The following CELF2 variants were observed in gnomAD, a reference collection of about 807,000 sequenced individuals.
The protein encoded by CELF2 is CUG triplet repeat RNA-binding protein 2.
CELF2 carries 8 observed loss-of-function variants against 62.6 expected under a neutral mutation model. That is an observed-to-expected ratio of 0.13 (90% CI 0.07 to 0.23). CELF2 has a LOEUF of 0.23. CELF2 is among the 10% of genes least tolerant of loss of function. The pLI is 1.00. For synonymous variants in CELF2, 258 were observed against 250.0 expected (o/e 1.03, Z -0.30); for missense variants, 333 against 671.0 (o/e 0.50, Z 5.56).
intron 2 of CELF2, among the ~76,000 whole-genome samples, chr10:11,189,358 C>T (rs1342340992): frequency 6.6e-6 from 1 of 152,204 alleles, no homozygotes. Context: ...TTATTGTACA[C>T]AGCAGGTAGT....
chr10:11,042,600 G>T (rs2062032188), intron 1 of CELF2, among the ~76,000 whole-genome samples: 1 of 152,116 alleles, frequency 6.6e-6, no homozygotes, highest in Non-Finnish European at 1.5e-5. Context: ...TTTATCATAT[G>T]CACAAAGTTG....
intron 4 of CELF2, among the ~76,000 whole-genome samples, chr10:11,253,247 C>G (rs924102013): frequency 2.0e-5 from 3 of 152,202 alleles, no homozygotes; most frequent in African/African-American, 2.4e-5. Context: ...CCTCCAACCT[C>G]ACAATTTGCT....
rs1215034475 is a variant in CELF2, at chr10:11,260,896, C to T, written c.538+3024C>T. Reference sequence around the variant, plus strand: ...CTCTTTCATGCTACCATTTTGCTTTCATTAAAGAATTGCAGTTTTGAATCA... The same window carrying T: ...CTCTTTCATGCTACCATTTTGCTTTTATTAAAGAATTGCAGTTTTGAATCA... On this transcript the variant is annotated intron_variant, in intron 5 of 12. Coordinates refer to ENST00000633077, the MANE Select transcript of CELF2 (RefSeq NM_001326342.2). This position sits in a 1 kb window ranked among gnomAD's most constrained non-coding sequence, Gnocchi z 4.2. 2.0e-5 allele frequency among the ~76,000 whole-genome samples: 3 copies of T among 152,164 alleles called. No individual in the cohort carries two copies. Among genetic ancestry groups the T allele is most frequent in the Non-Finnish European group, 4.4e-5 (3 of 68,024 alleles).
At chr10:10,526,100 G>C in the CELF2 span, among the ~76,000 whole-genome samples, 1 of 152,184 alleles carries the variant, frequency 6.6e-6, no homozygotes, top group Non-Finnish European at 1.5e-5. Flanking sequence ...ACATATAGAT[G>C]TTGATGTATT....
At chr10:10,772,808 C>T in the CELF2 span, among the ~76,000 whole-genome samples, 379 of 152,128 alleles carry the variant, frequency 2.5e-3, 2 homozygotes, top group African/African-American at 8.6e-3. Context: ...AAGATCAAGG[C>T]AACATATGTG....
intron 1 of CELF2, among the ~76,000 whole-genome samples, chr10:11,089,023 G>A (rs1366664399): frequency 2.0e-5 from 3 of 152,204 alleles, no homozygotes; most frequent in Admixed American, 2.0e-4. Flanking sequence ...GTAGGGGGGA[G>A]CCTTCTAGTA....
At position 11,157,139 on chromosome 10, in the gene CELF2, G is replaced by C. The variant is rs151009212; in HGVS notation, c.75-8347G>C. 3.7e-3 allele frequency among the ~76,000 whole-genome samples: 561 copies of C among 152,232 alleles called. 2 individuals carry two copies. The highest frequency in any genetic ancestry group is 0.013 in the African/African-American group (542 of 41,530). ...CAAGAGCAGGTTGGGGGATGAGGCT[G>C]TGTCCCCTGTGCAAAGTCACCCATG... is the stretch of plus-strand genomic sequence containing the variant. On this transcript the variant is annotated intron_variant, in intron 1 of 12. Transcript: ENST00000633077. This position sits in a 1 kb window ranked among gnomAD's most constrained non-coding sequence, Gnocchi z 4.9.
intron 1 of CELF2, among the ~76,000 whole-genome samples, chr10:10,910,822 T>C (rs1293636234): frequency 3.9e-5 from 6 of 152,150 alleles, no homozygotes; most frequent in Non-Finnish European, 8.8e-5. Flanking sequence ...GGAGTACAAG[T>C]TGGTAAGTGA....
intron 2 of CELF2, among the ~76,000 whole-genome samples, chr10:10,941,766 G>T (rs1179327419): frequency 6.6e-6 from 1 of 152,184 alleles, no homozygotes; most frequent in African/African-American, 2.4e-5. Context: ...GACTGAGGTG[G>T]TTGGATCATT....
intron 1 of CELF2, among the ~76,000 whole-genome samples, chr10:11,031,801 A>G (rs550923854): frequency 6.6e-6 from 1 of 152,352 alleles, no homozygotes; most frequent in Admixed American, 6.5e-5. Context: ...TCAGACTGTA[A>G]GGCCCAATAC....
chr10:11,100,792 G>A (rs760360215), intron 1 of CELF2, among the ~76,000 whole-genome samples: 7 of 152,172 alleles, frequency 4.6e-5, no homozygotes, highest in Non-Finnish European at 8.8e-5. Flanking sequence ...TTGGAGATAG[G>A]AAAAGCAAAG....
Position 11,315,694 on chromosome 10 carries a change from T to C in CELF2, c.1096+1436T>C, listed in dbSNP as rs1258819234. 6.6e-6 allele frequency among the ~76,000 whole-genome samples: 1 copy of C among 152,210 alleles called. No homozygotes were observed. Among genetic ancestry groups the C allele is most frequent in the Admixed American group, 6.5e-5 (1 of 15,288 alleles). Reference sequence around the variant, plus strand: ...AGCGTGGAGCCCGTGAAGTGGTAGCTGTGCCGCGGCCTCATTGTTTTATTC... The same window carrying C: ...AGCGTGGAGCCCGTGAAGTGGTAGCCGTGCCGCGGCCTCATTGTTTTATTC... On this transcript the variant is annotated intron_variant, in intron 10 of 12. Transcript: ENST00000633077. This position sits in a 1 kb window ranked among gnomAD's most constrained non-coding sequence, Gnocchi z 5.8.
intron 2 of CELF2, among the ~76,000 whole-genome samples, chr10:10,923,624 C>T (rs1434300310): frequency 1.3e-5 from 2 of 152,080 alleles, no homozygotes; most frequent in Admixed American, 6.5e-5. Context: ...CTTGCCATTG[C>T]TGAAATTAAA....
the CELF2 span, among the ~76,000 whole-genome samples, chr10:10,516,980 C>T: frequency 6.6e-6 from 1 of 152,086 alleles, no homozygotes; most frequent in African/African-American, 2.4e-5. Context: ...TTGAGAGAAC[C>T]GTAGGATCCC....
At chr10:11,111,283 G>A (rs1747708) in intron 1 of CELF2, among the ~76,000 whole-genome samples, 55,431 of 151,860 alleles carry the variant, frequency 0.37, 10,598 homozygotes, top group East Asian at 0.69. Context: ...CAAAACTGTT[G>A]AACAACTTCC....
intron 3 of CELF2, among the ~76,000 whole-genome samples, chr10:11,229,651 G>A (rs954093711): frequency 2.6e-4 from 40 of 151,166 alleles, no homozygotes; most frequent in Middle Eastern, 3.4e-3. Context: ...GTGCAGTGGC[G>A]CAATCTTGGC....
chr10:10,811,329 C>A (rs7085561), intron 1 of CELF2, among the ~76,000 whole-genome samples: 68,526 of 152,024 alleles, frequency 0.45, 15,852 homozygotes, highest in African/African-American at 0.58. Context: ...GATGACCAGG[C>A]TTTTTAAAGG....
At chr10:10,617,603 C>G in the CELF2 span, among the ~76,000 whole-genome samples, 1 of 152,048 alleles carries the variant, frequency 6.6e-6, no homozygotes, top group Non-Finnish European at 1.5e-5. Flanking sequence ...CCCAGACCAT[C>G]TGGCTGCAGA....
intron 1 of CELF2, among the ~76,000 whole-genome samples, chr10:11,055,206 T>C: frequency 6.6e-6 from 1 of 152,276 alleles, no homozygotes; most frequent in Non-Finnish European, 1.5e-5. Context: ...CACATGTATT[T>C]TCTCCTGGTG....
Sources: gnomAD v4.1 joint callset for allele counts (sites outside exome capture counted in the v4.1 genomes callset) on GRCh38, gnomAD v4.1.1 for gene constraint, Gnocchi (gnomAD v3.1) non-coding constraint, MANE v1.5 for transcripts, NCBI Gene and HGNC (gene_info 2026-07-23, HGNC 2026-07-21) for gene names.